Variants in ADAMTS13 observed in about 807,000 individuals in gnomAD.
The protein encoded by ADAMTS13 is ADAM metallopeptidase with thrombospondin type 1 motif 13.
ADAMTS13 carries 110 observed loss-of-function variants against 155.1 expected under a neutral mutation model. The ratio of observed to expected loss-of-function variants is 0.71; its 90% CI spans 0.61 to 0.83. ADAMTS13 has a LOEUF of 0.83. Ranked by LOEUF, ADAMTS13 falls within the 40% of genes least tolerant of loss-of-function variation. The pLI is 0.00. For synonymous variants in ADAMTS13, 758 were observed against 756.4 expected (o/e 1.00, Z -0.03); for missense variants, 1,707 against 1,891.7 (o/e 0.90, Z 1.81).
At chr9:133,437,330 C>T (rs606492) in intron 12 of ADAMTS13, among the ~76,000 whole-genome samples, 15,000 of 152,220 alleles carry the variant, frequency 0.099, 800 homozygotes, top group African/African-American at 0.14. Flanking sequence ...AATCTCAGCT[C>T]ACTGTAACCT....
Position 133,426,027 on chromosome 9 carries a change from T to C in ADAMTS13, c.504T>C (p.Asp168=), listed in dbSNP as rs1840257541. 6 of 1,614,010 alleles carry C rather than the reference T, an allele frequency of 3.7e-6. No homozygotes were observed. The East Asian group carries it at 1.3e-4, about 36-fold the overall frequency. Residue 168 remains aspartate (D), a synonymous_variant, in exon 5 of 29, where the codon GAT becomes GAC. Coordinates refer to ENST00000355699, the MANE Select transcript of ADAMTS13 (RefSeq NM_139027.6). The stretch of plus-strand genomic sequence containing the variant: ...CCATCAACCCTGAGGACGACACGGA[T>C]CCTGGCCATGCTGACCTGGTCCTCT... ...SQTINPEDDT[D]PGHADLVLYI... is the part of the protein sequence containing the mutation.
At chr9:133,443,667 C>A (rs919259267) in intron 19 of ADAMTS13, 106 bp downstream of exon 19, 6 of 1,280,568 alleles carry the variant, frequency 4.7e-6, no homozygotes, top group Non-Finnish European at 6.3e-6. Flanking sequence ...AGGCCTCCGG[C>A]GGGGCCTCAC....
In ADAMTS13 at chr9:133,445,842, TGG is replaced by T. The variant is rs1554792455; in HGVS notation, c.2731+26_2731+27del. On this transcript the variant is annotated intron_variant, in intron 21 of 28. Coordinates refer to ENST00000355699, the MANE Select transcript of ADAMTS13 (RefSeq NM_139027.6). This position sits in a 1 kb window ranked among gnomAD's most constrained non-coding sequence, Gnocchi z 5.0. ...GAGGTGAGGGCCCCCGGGATGCTCC[TGG>T]GGACCAGCACTCATGGTAACTCTCC... 6.4e-7 allele frequency: 1 copy of T among 1,556,762 alleles called. No individual in the cohort carries two copies. The highest frequency in any genetic ancestry group is 1.4e-5 in the African/African-American group (1 of 73,666).
chr9:133,449,233 C>T (rs1038060504), intron 22 of ADAMTS13, among the ~76,000 whole-genome samples: 2 of 152,122 alleles, frequency 1.3e-5, no homozygotes, highest in Admixed American at 6.5e-5. Flanking sequence ...GTTTCTTCAT[C>T]GCCTGCTCTT....
chr9:133,431,216 T>C (rs3124771), intron 8 of ADAMTS13, among the ~76,000 whole-genome samples: 11,257 of 152,090 alleles, frequency 0.074, 1,375 homozygotes, highest in African/African-American at 0.26. Context: ...CCTCCCACCT[T>C]GGCGTCCCAA....
rs1232110896 is a variant in ADAMTS13 at position 133,444,982 on chromosome 9, G to A, written c.2540G>A (p.Gly847Asp). The part of the protein sequence containing the change: ...GLEAPVTEGP[G>D]SVDEKLPAPE... Reference sequence around the variant, plus strand: ...GAGGCTCCAGTGACTGAGGGGCCTGGCTCCGTAGATGAGAAGCTGCCTGCC... The same window carrying A: ...GAGGCTCCAGTGACTGAGGGGCCTGACTCCGTAGATGAGAAGCTGCCTGCC... The change falls in exon 20 of 29, where the codon GGC becomes GAC. Residue 847 changes from glycine to aspartate, a missense_variant. Gly to Asp is a moderately conservative substitution (Grantham distance 94, BLOSUM62 -1). Coordinates refer to ENST00000355699, the MANE Select transcript of ADAMTS13 (RefSeq NM_139027.6). 1 of 1,613,374 alleles carries A rather than the reference G, an allele frequency of 6.2e-7. No homozygotes were observed.
exon 1 of ADAMTS13, chr9:133,414,362 T>C (rs756508793): frequency 3.2e-5 from 19 of 590,588 alleles, no homozygotes; most frequent in Non-Finnish European, 2.9e-5. Context: ...ACCACCCAAC[T>C]GGCGAGAAGC....
intron 23 of ADAMTS13, 73 bp from the exon 24 acceptor site, chr9:133,454,342 G>C: frequency 6.4e-7 from 1 of 1,555,166 alleles, no homozygotes. Context: ...CACGTGGGTG[G>C]AGAGGGGCCT....
chr9:133,454,759 G>T, intron 24 of ADAMTS13, 140 bp downstream of exon 24: 1 of 1,124,934 alleles, frequency 8.9e-7, no homozygotes, highest in Non-Finnish European at 1.3e-6. Context: ...GTTGGTGAGG[G>T]GGCACCTAGA....
chr9:133,419,808 G>A (rs1029262581), upstream of ADAMTS13, among the ~76,000 whole-genome samples: 11 of 152,138 alleles, frequency 7.2e-5, no homozygotes, highest in Admixed American at 4.6e-4. Flanking sequence ...GCGTGATATC[G>A]GCTCACCACA....
In ADAMTS13 at chr9:133,424,550, A is replaced by C; in HGVS notation, c.330+72A>C. Reference sequence around the variant, plus strand: ...GTGACCAATGTCTGTGGGCTGGTGTATCTGGTAGTCTGAATACAGTGGGTT... The same window carrying C: ...GTGACCAATGTCTGTGGGCTGGTGTCTCTGGTAGTCTGAATACAGTGGGTT... On this transcript the variant is annotated intron_variant, in intron 3 of 28. Transcript: ENST00000355699. This position sits in a 1 kb window ranked among gnomAD's most constrained non-coding sequence, Gnocchi z 4.3. 1 of 1,559,458 alleles carries C rather than the reference A, an allele frequency of 6.4e-7. No homozygotes were observed. Among genetic ancestry groups the C allele is most frequent in the Non-Finnish European group, 8.7e-7 (1 of 1,151,310 alleles).
intron 2 of ADAMTS13, 29 bp downstream of exon 2, chr9:133,423,196 G>C (rs782817904): frequency 5.6e-6 from 9 of 1,607,726 alleles, no homozygotes; most frequent in Non-Finnish European, 7.7e-6. Flanking sequence ...TCTCTCCCGG[G>C]GGGAGTTTCT....
At chr9:133,438,621 AAC>A (rs1841427440) in intron 14 of ADAMTS13, among the ~76,000 whole-genome samples, 2 of 152,254 alleles carry the variant, frequency 1.3e-5, no homozygotes, top group Admixed American at 6.5e-5. Flanking sequence ...CTGCAAAAAA[AAC>A]ACAGACATTG....
chr9:133,433,903 C>G (rs1554788293), intron 11 of ADAMTS13, among the ~76,000 whole-genome samples, 199 bp downstream of exon 11: 2 of 152,072 alleles, frequency 1.3e-5, no homozygotes, highest in African/African-American at 4.8e-5. Context: ...CAAGACCAGC[C>G]TGGCCAACAT....
At chr9:133,453,253 G>A (rs1284555203) in intron 23 of ADAMTS13, among the ~76,000 whole-genome samples, 2 of 152,180 alleles carry the variant, frequency 1.3e-5, no homozygotes, top group African/African-American at 4.8e-5. Context: ...TGGCTAACAC[G>A]GTGAAACCCT....
intron 15 of ADAMTS13, among the ~76,000 whole-genome samples, chr9:133,439,730 C>T (rs141783202): frequency 1.5e-4 from 23 of 152,352 alleles, no homozygotes; most frequent in African/African-American, 5.5e-4. Flanking sequence ...AGGGATGTGA[C>T]ACCCTTCTAG....
chr9:133,440,291 G>A lies in ADAMTS13; in HGVS notation c.1787-53G>A. 2 of 1,610,204 alleles carry A rather than the reference G, an allele frequency of 1.2e-6. No homozygotes were observed. Among genetic ancestry groups the A allele is most frequent in the Non-Finnish European group, 1.7e-6 (2 of 1,177,984 alleles). ...AGGAGAGTCACTGACATGTGCCTGT[G>A]AGGAGGATGGGTGCTCAGCTCCACA... is the stretch of plus-strand genomic sequence containing the variant. On this transcript the variant is annotated intron_variant, in intron 15 of 28. Transcript: ENST00000355699. This position sits in a 1 kb window ranked among gnomAD's most constrained non-coding sequence, Gnocchi z 4.3.
intron 22 of ADAMTS13, among the ~76,000 whole-genome samples, chr9:133,449,522 C>A (rs36221912): frequency 6.6e-6 from 1 of 152,128 alleles, no homozygotes; most frequent in Non-Finnish European, 1.5e-5. Context: ...TGCCCGGACC[C>A]CTGCCCCCAC....
chr9:133,438,651 C>T (rs987129105), intron 14 of ADAMTS13, among the ~76,000 whole-genome samples: 16 of 152,296 alleles, frequency 1.1e-4, no homozygotes, highest in Admixed American at 5.2e-4. Flanking sequence ...GCTGTGCTCA[C>T]GCCTGTACTC....
Sources: gnomAD v4.1 joint callset for allele counts (sites outside exome capture counted in the v4.1 genomes callset) on GRCh38, gnomAD v4.1.1 for gene constraint, Gnocchi (gnomAD v3.1) non-coding constraint, MANE v1.5 for transcripts, NCBI Gene and HGNC (gene_info 2026-07-23, HGNC 2026-07-21) for gene names.